Variants in TEN1 observed in about 807,000 individuals in gnomAD.
TEN1 encodes the protein TEN1 subunit of CST complex.
In TEN1, 6 loss-of-function variants were observed where a neutral mutation model predicts 9.3. The ratio of observed to expected loss-of-function variants is 0.65; its 90% CI spans 0.35 to 1.27. The LOEUF (loss-of-function observed/expected upper bound fraction) is 1.27, where lower values mean the gene tolerates loss of function less well. Ranked by LOEUF, TEN1 falls within the 50% of genes most tolerant of loss-of-function variation. The pLI is 0.03. For synonymous variants in TEN1, 65 were observed against 65.6 expected (o/e 0.99, Z 0.04); for missense variants, 149 against 158.2 (o/e 0.94, Z 0.31).
At position 75,991,346 on chromosome 17, in the gene TEN1, T is replaced by A; in HGVS notation, c.93-120T>A. On this transcript the variant is annotated intron_variant, in intron 2 of 3. Transcript: ENST00000397640. ...TTCTGGTTTGTTGCTGCAATTTGCA[T>A]TTCTGTGATGAGACTGAGGCTGAAC... 10 of 1,060,428 alleles carry A rather than the reference T, an allele frequency of 9.4e-6. No homozygotes were observed. The South Asian group carries it at 1.4e-4, about 15-fold the overall frequency. 65.7% of individuals were successfully genotyped at this position (1,060,428 alleles called of 1,614,324 possible).
chr17:75,986,098 G>A, intron 1 of TEN1, 89 bp from the exon 2 acceptor site: 3 of 1,040,894 alleles, frequency 2.9e-6, no homozygotes. Flanking sequence ...TCAAGATGCT[G>A]TTGGTCTCAT....
chr17:75,988,575 AAAAAAAAAAAAAG>A (rs2066166194), intron 2 of TEN1, among the ~76,000 whole-genome samples: 1 of 149,444 alleles, frequency 6.7e-6, no homozygotes, highest in Non-Finnish European at 1.5e-5. Context: ...AAAAAAAAAA[AAAAAAAAAAAAAG>A]AAAAGAAGAA....
At chr17:75,990,279 A>C (rs1277416696) in intron 2 of TEN1, among the ~76,000 whole-genome samples, 1 of 141,368 alleles carries the variant, frequency 7.1e-6, no homozygotes, top group Non-Finnish European at 1.5e-5. Flanking sequence ...AAACTCTTGG[A>C]CTCAAGTGAT....
Position 75,991,530 on chromosome 17 carries a change from C to T in TEN1, c.157C>T (p.His53Tyr). ...TLMAQHGSDQ[H>Y]QVLVCTKLVE... ...GATGGCTCAGCACGGATCCGATCAG[C>T]ACCAGGTTCTTGTCTGTACCAAGTT... The change falls in exon 3 of 4, where the codon CAC (histidine) becomes TAC (tyrosine). Residue 53 changes from histidine (H) to tyrosine (Y), a missense_variant. Coordinates refer to ENST00000397640, the MANE Select transcript of TEN1 (RefSeq NM_001113324.3). 1.9e-6 allele frequency: 3 copies of T among 1,552,342 alleles called. No homozygotes were observed. Among genetic ancestry groups the T allele is most frequent in the South Asian group, 1.2e-5 (1 of 84,064 alleles).
chr17:75,988,516 T>G (rs1366933848), intron 2 of TEN1, among the ~76,000 whole-genome samples: 1 of 126,054 alleles, frequency 7.9e-6, no homozygotes, highest in Non-Finnish European at 1.6e-5. Context: ...GAGCCGAGAC[T>G]GCACCACTGT....
At chr17:75,981,601 T>G (rs1189159952) in intron 1 of TEN1, among the ~76,000 whole-genome samples, 1 of 151,730 alleles carries the variant, frequency 6.6e-6, no homozygotes, top group Non-Finnish European at 1.5e-5. Flanking sequence ...AAGTTGTTTT[T>G]TTTTTTTTTT....
At chr17:75,992,601 C>T (rs529480703) in intron 3 of TEN1, among the ~76,000 whole-genome samples, 489 of 151,896 alleles carry the variant, frequency 3.2e-3, no homozygotes, top group Non-Finnish European at 5.3e-3. Flanking sequence ...CAAGCTCCGC[C>T]TCCCGGGTTC....
intron 3 of TEN1, among the ~76,000 whole-genome samples, chr17:75,993,768 G>A (rs1426770616): frequency 3.3e-5 from 5 of 150,804 alleles, no homozygotes; most frequent in South Asian, 2.1e-4. Flanking sequence ...AGGCCGAGGC[G>A]GGCGGATCTC....
intron 2 of TEN1, among the ~76,000 whole-genome samples, chr17:75,989,716 T>C (rs1014118396): frequency 6.6e-6 from 1 of 150,790 alleles, no homozygotes; most frequent in African/African-American, 2.4e-5. Context: ...CCTGGCTTTA[T>C]TGATTTTCAA....
intron 2 of TEN1, among the ~76,000 whole-genome samples, chr17:75,988,601 AAG>A: frequency 6.6e-6 from 1 of 151,340 alleles, no homozygotes; most frequent in Non-Finnish European, 1.5e-5. Flanking sequence ...AAGAAGAAGA[AAG>A]CAATATTTTA....
At chr17:75,987,973 T>G (rs1185657938) in intron 2 of TEN1, among the ~76,000 whole-genome samples, 2 of 141,978 alleles carry the variant, frequency 1.4e-5, no homozygotes, top group Non-Finnish European at 1.5e-5. Context: ...GGTGCGGTGG[T>G]TCACGCCTGT....
chr17:75,986,231 G>A lies in TEN1; in HGVS notation c.39G>A (p.Trp13Ter). Residue 13 changes from tryptophan (W) to a stop codon, truncating the protein, a stop_gained, in exon 2 of 4, where the codon TGG (tryptophan) becomes TGA (stop). Coordinates refer to ENST00000397640, the MANE Select transcript of TEN1 (RefSeq NM_001113324.3). LOFTEE classifies it high-confidence loss of function. ...AACCTGGGACCTATTACCTCCCCTG[G>A]GAGGTTAGTGCAGGCCAAGTTCCTG... Reference protein sequence around the residue: ...LPKPGTYYLPWEVSAGQVPDG... With the variant: ...LPKPGTYYLP 6.5e-7 allele frequency: 1 copy of A among 1,549,962 alleles called. No individual in the cohort carries two copies. Among genetic ancestry groups the A allele is most frequent in the Non-Finnish European group, 8.7e-7 (1 of 1,146,238 alleles).
intron 2 of TEN1, among the ~76,000 whole-genome samples, chr17:75,986,813 T>C (rs1469090345): frequency 6.6e-6 from 1 of 152,042 alleles, no homozygotes; most frequent in African/African-American, 2.4e-5. Context: ...AAGTCACCCA[T>C]AATCCCATTA....
chr17:75,999,763 C>T (rs774313405), intron 3 of TEN1, among the ~76,000 whole-genome samples: 1 of 152,162 alleles, frequency 6.6e-6, no homozygotes, highest in East Asian at 1.9e-4. Flanking sequence ...AAGCCCCCCT[C>T]GTCCAGGGTG....
Position 75,979,484 on chromosome 17 carries a change from A to C in TEN1, c.-34A>C, listed in dbSNP as rs2144333956. On this transcript the variant is annotated 5_prime_UTR_variant, in exon 1 of 4. Transcript: ENST00000397640. ...TGACCACGCGAGGCGGAAAGAAGAA[A>C]TCCGAGGACCGGCGACGCCTAGAAC... 3.0e-6 allele frequency: 1 copy of C among 335,784 alleles called. No homozygotes were observed. The highest frequency in any genetic ancestry group is 8.6e-5 in the East Asian group (1 of 11,634). 20.8% of individuals were successfully genotyped at this position (335,784 alleles called of 1,614,324 possible).
chr17:75,986,197 T>C lies in TEN1; in HGVS notation c.5T>C (p.Met2Thr). 6.5e-7 allele frequency: 1 copy of C among 1,548,294 alleles called. No individual in the cohort carries two copies. Among genetic ancestry groups the C allele is most frequent in the Non-Finnish European group, 8.7e-7 (1 of 1,145,450 alleles). The change falls in exon 2 of 4, where the codon ATG (methionine) becomes ACG (threonine). Residue 2 changes from methionine to threonine, a missense_variant. Coordinates refer to ENST00000397640, the MANE Select transcript of TEN1 (RefSeq NM_001113324.3). M[M>T]LPKPGTYYLP... is the part of the protein sequence containing the mutation. Reference sequence around the variant, plus strand: ...ACTATTTGGTTACAGGAGCCCATGATGCTGCCCAAACCTGGGACCTATTAC... The same window carrying C: ...ACTATTTGGTTACAGGAGCCCATGACGCTGCCCAAACCTGGGACCTATTAC...
intron 3 of TEN1, among the ~76,000 whole-genome samples, chr17:75,997,099 A>G (rs563875217): frequency 1.1e-4 from 17 of 152,116 alleles, no homozygotes; most frequent in African/African-American, 3.6e-4. Context: ...CTCTTGCCCT[A>G]TCAGGACCTG....
At chr17:75,982,416 T>C (rs1157013534) in intron 1 of TEN1, among the ~76,000 whole-genome samples, 1 of 152,248 alleles carries the variant, frequency 6.6e-6, no homozygotes, top group Non-Finnish European at 1.5e-5. Flanking sequence ...GTTGATTTTT[T>C]GCAGCGAAAC....
intron 1 of TEN1, among the ~76,000 whole-genome samples, chr17:75,982,889 T>C (rs147732375): frequency 0.015 from 2,287 of 151,242 alleles, 43 homozygotes; most frequent in Non-Finnish European, 0.018. Flanking sequence ...TTTTGTATTT[T>C]TAGTAGAGAC....
Sources: allele counts gnomAD v4.1 joint callset (sites outside exome capture counted in the v4.1 genomes callset), GRCh38; gene constraint gnomAD v4.1.1; transcripts MANE v1.5; gene names NCBI Gene and HGNC (gene_info 2026-07-23, HGNC 2026-07-21).